The following APOLD1 variants were observed in gnomAD, a reference collection of about 807,000 sequenced individuals.
APOLD1 encodes apolipoprotein L domain containing 1.
APOLD1 carries 22 observed loss-of-function variants against 15.3 expected under a neutral mutation model. That is an observed-to-expected ratio of 1.44 (90% CI 1.03 to 2.05). The LOEUF (loss-of-function observed/expected upper bound fraction) is 2.05, where lower values mean the gene tolerates loss of function less well. Ranked by LOEUF, APOLD1 falls within the 30% of genes most tolerant of loss-of-function variation. APOLD1 has a pLI of 0.00. For missense variants in APOLD1, 394 were observed against 353.5 expected (o/e 1.11, Z -0.92); for synonymous variants, 190 against 167.4 (o/e 1.13, Z -1.04).
At chr12:12,726,180 A>G (rs1008650112) in intron 1 of APOLD1, 1 of 833,630 alleles carries the variant, frequency 1.2e-6, no homozygotes, top group Non-Finnish European at 1.8e-6. Flanking sequence ...AAAAAAAAAA[A>G]GAGGAAATAG....
Position 12,771,530 on chromosome 12 carries a change from A to T in APOLD1, c.97-15379A>T. The T allele has an allele frequency of 7.7e-6, 4 of 518,482 alleles. No individual in the cohort carries two copies. In the East Asian group the frequency reaches 2.2e-4, roughly 29 times the overall value. 32.1% of individuals were successfully genotyped at this position (518,482 alleles called of 1,614,324 possible). A position where few individuals can be genotyped will look rare whatever the true frequency, so the allele number is the denominator to read the frequency against. ...AGATGTTAATTATCTCATTTTGTCC[A>T]TCCAATTCATTCCCAATTTCCTGCC... On this transcript the variant is annotated intron_variant, in intron 1 of 1. Coordinates refer to the APOLD1 transcript ENST00000326765.
Position 12,791,455 on chromosome 12 carries a change from T to C in APOLD1, c.*3803T>C, listed in dbSNP as rs1267034692. 1.3e-5 allele frequency: 2 copies of C among 152,240 alleles called. No individual in the cohort carries two copies. The highest frequency in any genetic ancestry group is 2.9e-5 in the Non-Finnish European group (2 of 68,036). 9.4% of individuals were successfully genotyped at this position (152,240 alleles called of 1,614,324 possible). ...CTTTCTCTTTATTGAAATAAATTGC[T>C]CATTCCTCAAATTTTTTTATCTTTC... On this transcript the variant is annotated 3_prime_UTR_variant, in exon 2 of 2. Transcript: ENST00000356591.
At chr12:12,736,584 T>G (rs1052011162) in intron 1 of APOLD1, among the ~76,000 whole-genome samples, 1 of 152,036 alleles carries the variant, frequency 6.6e-6, no homozygotes, top group African/African-American at 2.4e-5. Context: ...TCAAATAAAT[T>G]TTATTGTTTC....
chr12:12,749,114 A>T (rs1251772024), intron 1 of APOLD1, among the ~76,000 whole-genome samples: 1 of 152,100 alleles, frequency 6.6e-6, no homozygotes, highest in Non-Finnish European at 1.5e-5. Context: ...GTGAGGCTGC[A>T]GTCTCTGCAA....
intron 1 of APOLD1, among the ~76,000 whole-genome samples, chr12:12,744,567 C>T (rs748237405): frequency 6.6e-6 from 1 of 152,170 alleles, no homozygotes; most frequent in African/African-American, 2.4e-5. Flanking sequence ...AGAGATCGCA[C>T]CACTGCACTC....
At position 12,755,864 on chromosome 12, in the gene APOLD1, A is replaced by G. The variant is rs1289788254; in HGVS notation, c.96+29768A>G. ...TCAAAATAAACAAACAAAAAACATA[A>G]AACCTAAAAAACTGCAACGTCAATC... On this transcript the variant is annotated intron_variant, in intron 1 of 1. Transcript: ENST00000326765. Among the ~76,000 whole-genome samples, 10 of 152,110 alleles carry G rather than the reference A, an allele frequency of 6.6e-5. No homozygotes were observed. The East Asian group carries it at 1.9e-3, about 29-fold the overall frequency.
At chr12:12,731,804 C>G (rs560132678) in intron 1 of APOLD1, among the ~76,000 whole-genome samples, 1 of 152,172 alleles carries the variant, frequency 6.6e-6, no homozygotes, top group South Asian at 2.1e-4. Flanking sequence ...TCCTTTCTAC[C>G]TAAGGGTTAG....
rs1444113893 is a variant in APOLD1, at chr12:12,787,412, C to T, written c.507C>T (p.Phe169=). 6.2e-7 allele frequency: 1 copy of T among 1,614,092 alleles called. No individual in the cohort carries two copies. Among genetic ancestry groups the T allele is most frequent in the Non-Finnish European group, 8.5e-7 (1 of 1,180,040 alleles). The change falls in exon 2 of 2, where the codon TTC becomes TTT. Residue 169 remains phenylalanine, a synonymous_variant. Transcript: ENST00000356591. The surrounding 1 kb of genome is among the most constrained non-coding windows in gnomAD (Gnocchi z 4.9). ...ASIALYNSVY[F]IVFFGSRGFL... is the part of the protein sequence containing the mutation. ...TCGCCCTGTACAATTCTGTCTACTT[C>T]ATCGTCTTCTTTGGCTCACGTGGCT...
At chr12:12,731,015 C>A (rs899562694) in intron 1 of APOLD1, among the ~76,000 whole-genome samples, 11 of 152,174 alleles carry the variant, frequency 7.2e-5, no homozygotes, top group African/African-American at 2.4e-4. Flanking sequence ...GTGGCGGGCG[C>A]CTGTAGTCCC....
upstream of APOLD1, among the ~76,000 whole-genome samples, chr12:12,783,925 T>C (rs1947105745): frequency 6.6e-6 from 1 of 152,182 alleles, no homozygotes; most frequent in African/African-American, 2.4e-5. Flanking sequence ...TGGGCCACCA[T>C]GACTGGCCAA....
chr12:12,758,312 C>T (rs1013227756), intron 1 of APOLD1, among the ~76,000 whole-genome samples: 9 of 151,836 alleles, frequency 5.9e-5, no homozygotes, highest in African/African-American at 1.4e-4. Flanking sequence ...TTTGGGAGCC[C>T]GAGGCAGGTG....
At chr12:12,764,971 G>C (rs975419843) in intron 1 of APOLD1, among the ~76,000 whole-genome samples, 1 of 152,178 alleles carries the variant, frequency 6.6e-6, no homozygotes, top group Non-Finnish European at 1.5e-5. Flanking sequence ...CAAATTCAGG[G>C]ATCAGGGCTT....
At position 12,789,584 on chromosome 12, in the gene APOLD1, G is replaced by C. The variant is rs1947165592; in HGVS notation, c.*1932G>C. 2 of 152,184 alleles carry C rather than the reference G, an allele frequency of 1.3e-5. No homozygotes were observed. Among genetic ancestry groups the C allele is most frequent in the South Asian group, 4.1e-4 (2 of 4,826 alleles). 9.4% of individuals were successfully genotyped at this position (152,184 alleles called of 1,614,324 possible). On this transcript the variant is annotated 3_prime_UTR_variant, in exon 2 of 2. Transcript: ENST00000356591. ...ATGTCCTATCAAGTTATGTCTTCTG[G>C]GTGACAGACAAAATCGCTTGTCTTA...
intron 1 of APOLD1, among the ~76,000 whole-genome samples, chr12:12,769,409 C>T (rs1261783296): frequency 1.3e-5 from 2 of 152,118 alleles, no homozygotes; most frequent in Non-Finnish European, 2.9e-5. Context: ...CAGAAATCTT[C>T]ATGGGAATCA....
At chr12:12,747,604 T>C (rs1300965448) in intron 1 of APOLD1, among the ~76,000 whole-genome samples, 1 of 152,198 alleles carries the variant, frequency 6.6e-6, no homozygotes, top group African/African-American at 2.4e-5. Context: ...AGATTTAAAC[T>C]GCATCCTGCA....
rs1297995174 is a variant in APOLD1, at chr12:12,787,254, C to A, written c.349C>A (p.Leu117Met). The A allele has an allele frequency of 2.5e-6, 4 of 1,583,442 alleles. No individual in the cohort carries two copies. The highest frequency in any genetic ancestry group is 3.4e-6 in the Non-Finnish European group (4 of 1,167,624). The change falls in exon 2 of 2, where the codon CTG (leucine) becomes ATG (methionine). Residue 117 changes from leucine (L) to methionine (M), a missense_variant. Leu to Met is a conservative substitution (Grantham distance 15). Transcript: ENST00000356591. The surrounding 1 kb of genome is among the most constrained non-coding windows in gnomAD (Gnocchi z 4.9). Reference protein sequence around the residue: ...LSLIFCNSRELRRVQEIAATC... With the variant: ...LSLIFCNSREMRRVQEIAATC... ...GCTGATCTTCTGCAACTCCCGGGAGCTGCGGAGGGTGCAGGAGATCGCGGC... is the reference window on the plus strand; with the variant it reads ...GCTGATCTTCTGCAACTCCCGGGAGATGCGGAGGGTGCAGGAGATCGCGGC...
chr12:12,733,870 T>C (rs1592288645), intron 1 of APOLD1, among the ~76,000 whole-genome samples: 1 of 152,188 alleles, frequency 6.6e-6, no homozygotes, highest in Non-Finnish European at 1.5e-5. Flanking sequence ...CCCCAAAGTG[T>C]TGGGATTACA....
At chr12:12,765,243 A>C (rs1946935075) in intron 1 of APOLD1, among the ~76,000 whole-genome samples, 1 of 152,054 alleles carries the variant, frequency 6.6e-6, no homozygotes, top group African/African-American at 2.4e-5. Flanking sequence ...ATTAGAGATG[A>C]GGTCTTGCTA....
intron 1 of APOLD1, among the ~76,000 whole-genome samples, chr12:12,779,129 T>A (rs1947060697): frequency 6.6e-6 from 1 of 152,186 alleles, no homozygotes; most frequent in Non-Finnish European, 1.5e-5. Flanking sequence ...CTCCTAATTT[T>A]TGTCCAAATA....
Sources: gnomAD v4.1 joint callset for allele counts (sites outside exome capture counted in the v4.1 genomes callset) on GRCh38, gnomAD v4.1.1 for gene constraint, Gnocchi (gnomAD v3.1) non-coding constraint, MANE v1.5 for transcripts, NCBI Gene and HGNC (gene_info 2026-07-23, HGNC 2026-07-21) for gene names.